Variants in CAMTA1 observed in about 807,000 individuals in gnomAD.
CAMTA1 encodes calmodulin binding transcription activator 1.
A neutral mutation model predicts 170.9 loss-of-function variants in CAMTA1; 27 were observed. That is an observed-to-expected ratio of 0.16 (90% CI 0.12 to 0.22). The LOEUF (loss-of-function observed/expected upper bound fraction) is 0.22. CAMTA1 is among the 10% of genes least tolerant of loss of function. The pLI is 1.00. For synonymous variants in CAMTA1, 833 were observed against 891.5 expected (o/e 0.93, Z 1.17); for missense variants, 1,619 against 2,217.2 (o/e 0.73, Z 5.42).
chr1:7,138,935 T>C (rs1331183296), intron 4 of CAMTA1, among the ~76,000 whole-genome samples: 2 of 149,954 alleles, frequency 1.3e-5, no homozygotes, highest in Non-Finnish European at 1.5e-5. Flanking sequence ...GCAGAGGTTA[T>C]AGTGAGCCAA....
Position 7,640,488 on chromosome 1 carries a change from A to G in CAMTA1, c.599A>G (p.Asn200Ser), listed in dbSNP as rs1335374168. ...KPCGPILCSI[N>S]TDKKEWAKWT... ...TGCGGCCCCATCCTCTGCTCCATCA[A>G]CACCGACAAGAAGGAGTGGGCGAAA... The change falls in exon 7 of 23, where the codon AAC becomes AGC. Residue 200 changes from asparagine (N) to serine (S), a missense_variant. By Grantham distance (46) the Asn-to-Ser change is conservative. This residue lies in a region of CAMTA1 where 97 missense variants were observed against 225.4 expected (regional missense o/e 0.43). Coordinates refer to ENST00000303635, the MANE Select transcript of CAMTA1 (RefSeq NM_015215.4). 1.2e-6 allele frequency: 2 copies of G among 1,614,060 alleles called. No individual in the cohort carries two copies.
rs75173816 is a variant in CAMTA1, at chr1:7,707,702, A to C, written c.2915-24746A>C. On this transcript the variant is annotated intron_variant, in intron 11 of 22. Coordinates refer to ENST00000303635, the MANE Select transcript of CAMTA1 (RefSeq NM_015215.4). The stretch of plus-strand genomic sequence containing the variant: ...GATGTGATGTATTGAATTACATTAA[A>C]AACCACAAGTTAGTATTACTCACAT... Among the ~76,000 whole-genome samples, 30 of 152,348 alleles carry C rather than the reference A, an allele frequency of 2.0e-4. No individual in the cohort carries two copies. In the East Asian group the frequency reaches 5.8e-3, roughly 29 times the overall value.
chr1:7,406,245 C>G (rs1286430566), intron 5 of CAMTA1, among the ~76,000 whole-genome samples: 2 of 152,210 alleles, frequency 1.3e-5, no homozygotes, highest in Non-Finnish European at 2.9e-5. Context: ...GACCAAGAAG[C>G]ATGAACCAGC....
intron 4 of CAMTA1, among the ~76,000 whole-genome samples, chr1:7,158,906 G>T (rs1647043387): frequency 2.0e-5 from 3 of 151,846 alleles, no homozygotes; most frequent in South Asian, 4.2e-4. Context: ...TGCTAAGAGT[G>T]GGGCTCAAAG....
At chr1:7,023,643 CAT>C (rs1701659563) in intron 3 of CAMTA1, among the ~76,000 whole-genome samples, 1 of 152,012 alleles carries the variant, frequency 6.6e-6, no homozygotes, top group Non-Finnish European at 1.5e-5. Flanking sequence ...AGAAATAAAA[CAT>C]GTAATAATTG....
intron 6 of CAMTA1, among the ~76,000 whole-genome samples, chr1:7,613,895 G>A (rs574170812): frequency 2.7e-5 from 4 of 148,550 alleles, no homozygotes; most frequent in South Asian, 4.4e-4. Context: ...GGGGCAGGCC[G>A]GACCTAGAGT....
At chr1:6,828,271 T>A (rs960976402) in intron 3 of CAMTA1, among the ~76,000 whole-genome samples, 3 of 151,026 alleles carry the variant, frequency 2.0e-5, no homozygotes, top group Non-Finnish European at 4.4e-5. Context: ...TGAGTGAGAT[T>A]GTGCTCATTC....
intron 4 of CAMTA1, among the ~76,000 whole-genome samples, chr1:7,193,904 C>T (rs921479264): frequency 1.6e-4 from 24 of 152,102 alleles, no homozygotes; most frequent in Admixed American, 2.6e-4. Flanking sequence ...TGTCTCCCAC[C>T]ATCTCTGAGG....
chr1:6,924,718 C>T (rs1296111531), intron 3 of CAMTA1, among the ~76,000 whole-genome samples: 1 of 152,188 alleles, frequency 6.6e-6, no homozygotes, highest in Non-Finnish European at 1.5e-5. Context: ...TATTTATAAA[C>T]TTTAAAAAAT....
Position 7,666,195 on chromosome 1 carries a change from A to G in CAMTA1, c.2652+996A>G, listed in dbSNP as rs1576698603. On this transcript the variant is annotated intron_variant, in intron 9 of 22. Coordinates refer to ENST00000303635, the MANE Select transcript of CAMTA1 (RefSeq NM_015215.4). ...AAAAAAAAAAAAGAAAGAAAAAGTC[A>G]CCATCATAGATCGTCTACATCCACT... Among the ~76,000 whole-genome samples, 3 of 151,452 alleles carry G rather than the reference A, an allele frequency of 2.0e-5. No individual in the cohort carries two copies. The South Asian group carries it at 6.3e-4, about 32-fold the overall frequency.
Position 7,146,224 on chromosome 1 carries a change from C to T in CAMTA1, c.302+54853C>T, listed in dbSNP as rs564477222. ...GCCTGCAATCCTGCTTGCAACACCC[C>T]TCGCAGCAGGAGCTTGGCAGCCCCT... On this transcript the variant is annotated intron_variant, in intron 4 of 22. Coordinates refer to ENST00000303635, the MANE Select transcript of CAMTA1 (RefSeq NM_015215.4). The surrounding 1 kb of genome is among the most constrained non-coding windows in gnomAD (Gnocchi z 4.3). Among the ~76,000 whole-genome samples, 103 of 152,198 alleles carry T rather than the reference C, an allele frequency of 6.8e-4. 1 individual carries two copies. Among genetic ancestry groups the T allele is most frequent in the Admixed American group, 1.1e-3 (17 of 15,302 alleles).
chr1:7,373,362 A>C (rs770842766), intron 5 of CAMTA1, among the ~76,000 whole-genome samples: 7 of 152,250 alleles, frequency 4.6e-5, no homozygotes, highest in Non-Finnish European at 1.0e-4. Flanking sequence ...TGTGGATTTC[A>C]GTTCCCCCAG....
At chr1:7,240,128 C>G (rs1290382379) in intron 4 of CAMTA1, among the ~76,000 whole-genome samples, 1 of 152,110 alleles carries the variant, frequency 6.6e-6, no homozygotes, top group Non-Finnish European at 1.5e-5. Flanking sequence ...ATGTCAGCCA[C>G]CATTGATGAT....
intron 11 of CAMTA1, among the ~76,000 whole-genome samples, chr1:7,722,787 A>G (rs2096658188): frequency 6.6e-6 from 1 of 152,066 alleles, no homozygotes; most frequent in African/African-American, 2.4e-5. Context: ...CATTTGATCT[A>G]TTTTTAAAAT....
chr1:7,071,597 A>G (rs1638656246), intron 3 of CAMTA1, among the ~76,000 whole-genome samples: 1 of 152,230 alleles, frequency 6.6e-6, no homozygotes, highest in Admixed American at 6.5e-5. Context: ...GAGAACCAAC[A>G]GATTAGAAAG....
chr1:7,275,810 TA>T (rs1241429612), intron 5 of CAMTA1, among the ~76,000 whole-genome samples: 1 of 152,132 alleles, frequency 6.6e-6, no homozygotes, highest in Non-Finnish European at 1.5e-5. Context: ...GAATTTGATT[TA>T]AAAAAATTTA....
intron 6 of CAMTA1, among the ~76,000 whole-genome samples, chr1:7,513,073 C>T (rs930843812): frequency 4.6e-5 from 7 of 151,960 alleles, no homozygotes; most frequent in African/African-American, 9.7e-5. Context: ...AACACCACCC[C>T]GTGCCCCCTT....
intron 5 of CAMTA1, among the ~76,000 whole-genome samples, chr1:7,310,586 TTTC>T (rs1339571626): frequency 1.6e-5 from 2 of 122,072 alleles, no homozygotes; most frequent in Non-Finnish European, 3.3e-5. Context: ...GATTTTTCTT[TTTC>T]TTTTCTTTTC....
intron 5 of CAMTA1, among the ~76,000 whole-genome samples, chr1:7,404,434 G>A (rs1249585062): frequency 6.6e-6 from 1 of 152,256 alleles, no homozygotes; most frequent in East Asian, 1.9e-4. Context: ...AAGTGTCCAC[G>A]AGAAGGTGAG....
Sources: gnomAD v4.1 joint callset for allele counts (sites outside exome capture counted in the v4.1 genomes callset) on GRCh38, gnomAD v4.1.1 for gene constraint, gnomAD v4.1.1 regional missense constraint, Gnocchi (gnomAD v3.1) non-coding constraint, MANE v1.5 for transcripts, NCBI Gene and HGNC (gene_info 2026-07-23, HGNC 2026-07-21) for gene names.